Variants in VPS13D observed in about 807,000 individuals in gnomAD.
VPS13D encodes vacuolar protein sorting 13 homolog D, also known as intermembrane lipid transfer protein VPS13D.
A neutral mutation model predicts 461.9 loss-of-function variants in VPS13D; 187 were observed. That is an observed-to-expected ratio of 0.40 (90% CI 0.36 to 0.46). The LOEUF (loss-of-function observed/expected upper bound fraction) is 0.46. VPS13D is among the 20% of genes least tolerant of loss of function. The pLI is 0.60. For synonymous variants in VPS13D, 1,951 were observed against 1,986.3 expected, an observed-to-expected ratio of 0.98 and a Z score of 0.47; for missense variants, 4,711 against 5,364.9, an observed-to-expected ratio of 0.88 and a Z score of 3.81.
chr1:12,382,805 C>G (rs1644300688), intron 57 of VPS13D, among the ~76,000 whole-genome samples, 171 bp from the exon 58 acceptor site: 1 of 152,136 alleles, frequency 6.6e-6, no homozygotes, highest in Admixed American at 6.5e-5. Context: ...AGTAATTCTC[C>G]TGTTTTTCAT....
Position 12,257,040 on chromosome 1 carries a change from G to T in VPS13D, c.894G>T (p.Arg298Ser). 6.2e-7 allele frequency: 1 copy of T among 1,614,182 alleles called. No individual in the cohort carries two copies. The highest frequency in any genetic ancestry group is 2.2e-5 in the East Asian group (1 of 44,876). ...TCAAGGAGCTGGAACGAAAGGAGAG[G>T]CAGGTGAAGTTCCGAAGGTGGAAAC... Reference protein sequence around the residue: ...EFLKELERKERQVKFRRWKPK... With the variant: ...EFLKELERKESQVKFRRWKPK... Residue 298 changes from arginine to serine, a missense_variant, in exon 9 of 70, where the codon AGG becomes AGT. Coordinates refer to ENST00000620676, the MANE Select transcript of VPS13D (RefSeq NM_015378.4).
At chr1:12,340,532 C>T (rs1477535516) in intron 40 of VPS13D, among the ~76,000 whole-genome samples, 1 of 152,088 alleles carries the variant, frequency 6.6e-6, no homozygotes, top group Non-Finnish European at 1.5e-5. Context: ...TGATACAGTC[C>T]CAGCCTCAGT....
chr1:12,426,993 G>A (rs1159223290), intron 65 of VPS13D, among the ~76,000 whole-genome samples: 4 of 152,124 alleles, frequency 2.6e-5, no homozygotes, highest in Non-Finnish European at 5.9e-5. Flanking sequence ...CAGCCTAGGC[G>A]ACAAGAGTGA....
In VPS13D at chr1:12,488,745, C is replaced by T. The variant is rs897203102; in HGVS notation, c.12663-8755C>T. On this transcript the variant is annotated intron_variant, in intron 67 of 69. Coordinates refer to ENST00000620676, the MANE Select transcript of VPS13D (RefSeq NM_015378.4). The stretch of plus-strand genomic sequence containing the variant: ...TAATCAGCTTGTTATTATTAGCATG[C>T]GTACTTAATAGCCACAAAATAAAGC... Among the ~76,000 whole-genome samples the T allele has an allele frequency of 1.4e-4, 21 of 150,222 alleles. 1 individual carries two copies. The highest frequency in any genetic ancestry group is 9.9e-4 in the Admixed American group (15 of 15,118).
chr1:12,334,061 A>C (rs1163372572), intron 38 of VPS13D, among the ~76,000 whole-genome samples: 1 of 152,228 alleles, frequency 6.6e-6, no homozygotes. Context: ...GAGCGATAAC[A>C]CATACTATTG....
At chr1:12,298,161 C>CTTA (rs886761020) in intron 24 of VPS13D, among the ~76,000 whole-genome samples, 3 of 152,038 alleles carry the variant, frequency 2.0e-5, no homozygotes, top group Non-Finnish European at 2.9e-5. Context: ...GGGCTTATGG[C>CTTA]TTATTATTAT....
chr1:12,295,764 A>G (rs1642259579), intron 24 of VPS13D, among the ~76,000 whole-genome samples: 1 of 152,326 alleles, frequency 6.6e-6, no homozygotes, highest in East Asian at 1.9e-4. Flanking sequence ...CCTCTAACTA[A>G]AAATTAAAGC....
intron 54 of VPS13D, among the ~76,000 whole-genome samples, chr1:12,373,114 TTTTTTTTTG>T: frequency 6.9e-6 from 1 of 144,122 alleles, no homozygotes; most frequent in Admixed American, 7.0e-5. Context: ...TTTTTTTTTT[TTTTTTTTTG>T]CTTTTTTTGG....
At chr1:12,447,167 TACTTGGGAG>T (rs1245779045) in intron 65 of VPS13D, among the ~76,000 whole-genome samples, 1 of 152,214 alleles carries the variant, frequency 6.6e-6, no homozygotes, top group Non-Finnish European at 1.5e-5. Context: ...TCAGTTCTGC[TACTTGGGAG>T]AGAAAAGAGA....
intron 67 of VPS13D, among the ~76,000 whole-genome samples, chr1:12,494,455 GAGA>G (rs1216129961): frequency 6.6e-6 from 1 of 152,196 alleles, no homozygotes; most frequent in Non-Finnish European, 1.5e-5. Context: ...TTGATCGTGT[GAGA>G]AGATCAACAA....
At chr1:12,302,345 A>ATTTTTGT (rs1297686297) in intron 25 of VPS13D, among the ~76,000 whole-genome samples, 1 of 152,130 alleles carries the variant, frequency 6.6e-6, no homozygotes, top group East Asian at 1.9e-4. Context: ...CACCAGGACC[A>ATTTTTGT]TTTTTGTTTC....
chr1:12,281,422 C>T (rs1641778634), intron 20 of VPS13D, among the ~76,000 whole-genome samples: 1 of 152,006 alleles, frequency 6.6e-6, no homozygotes. Context: ...AGTCAGTTGT[C>T]CTGTGGAATG....
At chr1:12,460,525 G>T (rs912205608) in intron 67 of VPS13D, 129 bp downstream of exon 67, 5 of 873,572 alleles carry the variant, frequency 5.7e-6, no homozygotes, top group Non-Finnish European at 6.1e-6. Context: ...ACTTGTAACT[G>T]AAATTTCTGA....
intron 2 of VPS13D, among the ~76,000 whole-genome samples, chr1:12,240,694 A>G (rs978095619): frequency 6.6e-6 from 1 of 151,602 alleles, no homozygotes; most frequent in Non-Finnish European, 1.5e-5. Context: ...GTTTCAACCA[A>G]GGAAAATGTT....
intron 60 of VPS13D, among the ~76,000 whole-genome samples, chr1:12,387,621 A>G (rs1344516895): frequency 6.6e-6 from 1 of 152,238 alleles, no homozygotes; most frequent in African/African-American, 2.4e-5. Context: ...GGAGGACGTT[A>G]AAACTGTTAA....
At chr1:12,467,496 T>C (rs1335819523) in intron 67 of VPS13D, among the ~76,000 whole-genome samples, 1 of 152,180 alleles carries the variant, frequency 6.6e-6, no homozygotes, top group Non-Finnish European at 1.5e-5. Flanking sequence ...AAGAAGCATC[T>C]TAACAGTCCT....
intron 6 of VPS13D, among the ~76,000 whole-genome samples, chr1:12,252,812 C>A (rs949064166): frequency 6.7e-6 from 1 of 150,142 alleles, no homozygotes; most frequent in Non-Finnish European, 1.5e-5. Context: ...ATTCCCCCTC[C>A]CCCTAAAAAA....
chr1:12,244,327 A>G lies in VPS13D; in HGVS notation c.257A>G (p.His86Arg). 2.5e-6 allele frequency: 4 copies of G among 1,614,154 alleles called. No individual in the cohort carries two copies. The highest frequency in any genetic ancestry group is 3.4e-6 in the Non-Finnish European group (4 of 1,180,030). Residue 86 changes from histidine to arginine, a missense_variant, in exon 4 of 70, where the codon CAC becomes CGC. Physicochemically the swap from His to Arg is conservative, Grantham distance 29. Around this residue, in one of 3 missense-constraint regions of VPS13D, gnomAD observed 4,411 missense variants for 4,937.8 expected, o/e 0.89. Coordinates refer to ENST00000620676, the MANE Select transcript of VPS13D (RefSeq NM_015378.4). Reference protein sequence around the residue: ...DPWVISISSLHLIGAPEKIQD... With the variant: ...DPWVISISSLRLIGAPEKIQD... ...TGGGTGATCTCCATCTCCAGCCTTC[A>G]CTTAATTGGAGCCCCAGAGAAAATA...
chr1:12,258,165 G>C, intron 10 of VPS13D, 62 bp downstream of exon 10: 1 of 1,584,860 alleles, frequency 6.3e-7, no homozygotes, highest in African/African-American at 1.4e-5. Flanking sequence ...TTCTCTCAAA[G>C]ACTAAAGAAA....
Sources: allele counts gnomAD v4.1 joint callset (sites outside exome capture counted in the v4.1 genomes callset), GRCh38; gene constraint gnomAD v4.1.1; regional missense constraint gnomAD v4.1.1; transcripts MANE v1.5; gene names NCBI Gene and HGNC (gene_info 2026-07-23, HGNC 2026-07-21).